NFKB1: variants seen among roughly 807,000 people sequenced by gnomAD.
NFKB1 encodes nuclear factor NF-kappa-B p105 subunit.
A neutral mutation model predicts 105.1 loss-of-function variants in NFKB1; 9 were observed. The ratio of observed to expected loss-of-function variants is 0.09; its 90% CI spans 0.05 to 0.15. The LOEUF is 0.15. Among genes scored for constraint, NFKB1 ranks in the 10% least tolerant of loss-of-function variants. NFKB1 has a pLI of 1.00. For synonymous variants in NFKB1, 440 were observed against 442.2 expected (o/e 1.00, Z 0.06); for missense variants, 830 against 1,203.7 (o/e 0.69, Z 4.59).
chr4:102,567,959 T>C (rs2149169470), intron 6 of NFKB1, among the ~76,000 whole-genome samples: 1 of 152,318 alleles, frequency 6.6e-6, no homozygotes, highest in Non-Finnish European at 1.5e-5. Context: ...AGTCCTTAAA[T>C]GCAAAAGAAG....
At chr4:102,614,907 C>A (rs1246195676) in intron 23 of NFKB1, among the ~76,000 whole-genome samples, 1 of 152,066 alleles carries the variant, frequency 6.6e-6, no homozygotes, top group Non-Finnish European at 1.5e-5. Context: ...GAGATTAAGA[C>A]AAAACCCAAG....
intron 23 of NFKB1, among the ~76,000 whole-genome samples, chr4:102,614,866 TACA>T (rs1442228740): frequency 2.0e-5 from 3 of 152,040 alleles, no homozygotes; most frequent in African/African-American, 7.3e-5. Flanking sequence ...CAATACTGGC[TACA>T]TCTGTCAGAA....
chr4:102,549,468 T>C (rs1343992084), intron 5 of NFKB1, among the ~76,000 whole-genome samples: 1 of 149,572 alleles, frequency 6.7e-6, no homozygotes, highest in Non-Finnish European at 1.5e-5. Context: ...TCTGTTTATA[T>C]ATTGAATTTA....
At chr4:102,559,836 G>T (rs544770616) in intron 5 of NFKB1, among the ~76,000 whole-genome samples, 3 of 151,654 alleles carry the variant, frequency 2.0e-5, no homozygotes, top group African/African-American at 7.2e-5. Context: ...CTACCTAGGA[G>T]GCTGAGGCAG....
chr4:102,541,790 G>C (rs138486400), intron 5 of NFKB1, among the ~76,000 whole-genome samples: 101 of 152,304 alleles, frequency 6.6e-4, no homozygotes, highest in African/African-American at 2.3e-3. Flanking sequence ...AAGTGCATTT[G>C]TTCAGGCATT....
rs773613546 is a variant in NFKB1, at chr4:102,606,584, G to A, written c.1841G>A (p.Arg614His). 39 of 1,613,998 alleles carry A rather than the reference G, an allele frequency of 2.4e-5. No individual in the cohort carries two copies. Among genetic ancestry groups the A allele is most frequent in the South Asian group, 2.1e-4 (19 of 91,082 alleles). ...RAGADLSLLDRLGNSVLHLAA... is the reference protein window; with the variant it reads ...RAGADLSLLDHLGNSVLHLAA... ...GGGGCCGACCTGAGCCTTCTGGACC[G>A]CTTGGGTAACTCTGTTTTGCACCTA... The change falls in exon 17 of 24, where the codon CGC (arginine) becomes CAC (histidine). Residue 614 changes from arginine (R) to histidine (H), a missense_variant. Arg to His is a conservative substitution (Grantham distance 29). Around this residue, in one of 8 missense-constraint regions of NFKB1, gnomAD observed 418 missense variants for 575.3 expected, o/e 0.73. Coordinates refer to ENST00000226574, the MANE Select transcript of NFKB1 (RefSeq NM_003998.4).
intron 20 of NFKB1, 53 bp from the exon 21 acceptor site, chr4:102,611,991 C>A: frequency 7.0e-7 from 1 of 1,419,984 alleles, no homozygotes; most frequent in Non-Finnish European, 9.9e-7. Context: ...AAACAGACTG[C>A]CCTAGTGGTC....
At chr4:102,593,645 A>G (rs1726363814) in intron 12 of NFKB1, 77 bp downstream of exon 12, 2 of 1,463,406 alleles carry the variant, frequency 1.4e-6, no homozygotes, top group African/African-American at 1.4e-5. Flanking sequence ...GTTTCTGAGC[A>G]TGTCTGTGAG....
chr4:102,586,665 T>C (rs1324042675), intron 11 of NFKB1, among the ~76,000 whole-genome samples: 1 of 152,202 alleles, frequency 6.6e-6, no homozygotes. Flanking sequence ...ACCATGATTC[T>C]GAGAAGAGAT....
intron 22 of NFKB1, among the ~76,000 whole-genome samples, chr4:102,613,178 C>T (rs1728587062): frequency 6.6e-6 from 1 of 152,176 alleles, no homozygotes; most frequent in Non-Finnish European, 1.5e-5. Flanking sequence ...GCGCTTCTCT[C>T]GCTGTCTCTC....
chr4:102,613,499 C>G lies in NFKB1; in HGVS notation c.2667C>G (p.Ile889Met). The G allele has an allele frequency of 6.2e-7, 1 of 1,614,004 alleles. No individual in the cohort carries two copies. Among genetic ancestry groups the G allele is most frequent in the East Asian group, 2.2e-5 (1 of 44,878 alleles). The change falls in exon 23 of 24, where the codon ATC becomes ATG. Residue 889 changes from isoleucine to methionine, a missense_variant. Ile to Met is a conservative substitution (Grantham distance 10). Around this residue, in one of 8 missense-constraint regions of NFKB1, gnomAD observed 418 missense variants for 575.3 expected, o/e 0.73. Transcript: ENST00000226574. ...GCTACACCGAAGCAATTGAAGTGAT[C>G]CAGGCAGCCTCCAGCCCAGTGAAGA... ...QMGYTEAIEV[I>M]QAASSPVKTT...
intron 2 of NFKB1, among the ~76,000 whole-genome samples, chr4:102,529,178 G>GAC (rs1194140529): frequency 6.6e-6 from 1 of 152,154 alleles, no homozygotes; most frequent in Non-Finnish European, 1.5e-5. Flanking sequence ...TTAGGATGCA[G>GAC]ACATGTTTAG....
chr4:102,502,623 A>C (rs977443620), intron 1 of NFKB1, among the ~76,000 whole-genome samples: 3 of 152,132 alleles, frequency 2.0e-5, no homozygotes, highest in African/African-American at 4.8e-5. Context: ...CCTAAATGCA[A>C]GTTTTTCTAT....
rs769905096 is a variant in NFKB1, at chr4:102,606,459, T to G, written c.1753-37T>G. 13 of 1,601,044 alleles carry G rather than the reference T, an allele frequency of 8.1e-6. No homozygotes were observed. The African/African-American group carries it at 1.7e-4, about 21-fold the overall frequency. On this transcript the variant is annotated intron_variant, in intron 16 of 23. Transcript: ENST00000226574. Reference sequence around the variant, plus strand: ...CTGTGAGTTGTAAGTAAGTATTCACTGCTGACCAGTGAATCTCCTGCCCTT... The same window carrying G: ...CTGTGAGTTGTAAGTAAGTATTCACGGCTGACCAGTGAATCTCCTGCCCTT...
At chr4:102,502,867 A>G (rs1260506764) in intron 1 of NFKB1, among the ~76,000 whole-genome samples, 1 of 152,230 alleles carries the variant, frequency 6.6e-6, no homozygotes, top group African/African-American at 2.4e-5. Flanking sequence ...AACATTTAAT[A>G]GCTCTGGCAT....
intron 1 of NFKB1, among the ~76,000 whole-genome samples, chr4:102,511,361 T>A (rs1159953110): frequency 6.6e-6 from 1 of 152,222 alleles, no homozygotes; most frequent in African/African-American, 2.4e-5. Context: ...GGAGCTTAAA[T>A]CATGTAGTCT....
rs34646774 is a variant in NFKB1, at chr4:102,609,611, C to CAAAAA, written c.2228-945_2228-941dup. Among the ~76,000 whole-genome samples, 154 of 64,220 alleles carry CAAAAA rather than the reference C, an allele frequency of 2.4e-3. 5 individuals carry two copies. Among genetic ancestry groups the CAAAAA allele is most frequent in the African/African-American group, 5.6e-3 (93 of 16,462 alleles). 42.1% of individuals were successfully genotyped at this position (64,220 alleles called of 152,430 possible). ...TGGGCAACAGAGCAAGACTCCATCTCAAAAAAAAAAAAAAAAAAAAAAAGC... is the reference window on the plus strand; with the variant it reads ...TGGGCAACAGAGCAAGACTCCATCTCAAAAAAAAAAAAAAAAAAAAAAAAAAAAGC... On this transcript the variant is annotated intron_variant, in intron 19 of 23. Coordinates refer to ENST00000226574, the MANE Select transcript of NFKB1 (RefSeq NM_003998.4).
chr4:102,585,032 C>T (rs1303998354), intron 11 of NFKB1, among the ~76,000 whole-genome samples: 1 of 151,988 alleles, frequency 6.6e-6, no homozygotes, highest in Non-Finnish European at 1.5e-5. Flanking sequence ...CAGGTGTGCG[C>T]CACCATGCCG....
At chr4:102,522,237 T>G (rs1740621821) in intron 1 of NFKB1, among the ~76,000 whole-genome samples, 1 of 152,260 alleles carries the variant, frequency 6.6e-6, no homozygotes, top group Non-Finnish European at 1.5e-5. Context: ...GATTCATCCT[T>G]TCCAAATGAT....
Sources: allele counts gnomAD v4.1 joint callset (sites outside exome capture counted in the v4.1 genomes callset), GRCh38; gene constraint gnomAD v4.1.1; regional missense constraint gnomAD v4.1.1; transcripts MANE v1.5; gene names NCBI Gene and HGNC (gene_info 2026-07-23, HGNC 2026-07-21).